Variants in PAK5 observed in about 807,000 individuals in gnomAD.
The protein encoded by PAK5 is p21 (RAC1) activated kinase 5, also known as serine/threonine-protein kinase PAK 5.
In PAK5, 16 loss-of-function variants were observed where a neutral mutation model predicts 65.9. That is an observed-to-expected ratio of 0.24 (90% confidence interval 0.16 to 0.37). PAK5 has a LOEUF of 0.37. Among genes scored for constraint, PAK5 ranks in the 10% least tolerant of loss-of-function variants. The probability of loss-of-function intolerance (pLI) is 1.00; values close to 1 mark genes in which losing one functional copy is unlikely to be tolerated. For missense variants in PAK5, 785 were observed against 903.9 expected (o/e 0.87, Z 1.69); for synonymous variants, 371 against 354.9 (o/e 1.05, Z -0.51).
intron 3 of PAK5, among the ~76,000 whole-genome samples, chr20:9,641,540 G>C (rs1198880525): frequency 6.6e-6 from 1 of 151,150 alleles, no homozygotes; most frequent in African/African-American, 2.4e-5. Flanking sequence ...AGTGGATCCC[G>C]CACCGGGGCT....
At chr20:9,613,588 A>T (rs538921018) in intron 3 of PAK5, among the ~76,000 whole-genome samples, 1 of 152,376 alleles carries the variant, frequency 6.6e-6, no homozygotes, top group East Asian at 1.9e-4. Flanking sequence ...GGGAAAAAGA[A>T]ACCACTTAAA....
chr20:9,790,534 C>T (rs6056876), intron 1 of PAK5, among the ~76,000 whole-genome samples: 1,830 of 152,164 alleles, frequency 0.012, 47 homozygotes, highest in African/African-American at 0.041. Context: ...GAGACAGGGT[C>T]TAACTCTGTT....
At position 9,561,925 on chromosome 20, in the gene PAK5, A is replaced by C. The variant is rs547113471; in HGVS notation, c.1616+966T>G. Among the ~76,000 whole-genome samples the C allele has an allele frequency of 4.1e-3, 618 of 152,324 alleles. 1 individual carries two copies. The highest frequency in any genetic ancestry group is 0.027 in the Middle Eastern group (8 of 294). ...TGCCATTGCCTGAAAGTTTGCCGTAAATGCAGAATCTTACACCCTCTCTAT... is the reference window on the plus strand; with the variant it reads ...TGCCATTGCCTGAAAGTTTGCCGTACATGCAGAATCTTACACCCTCTCTAT... On this transcript the variant is annotated intron_variant, in intron 6 of 9. Coordinates refer to ENST00000353224, the MANE Select transcript of PAK5 (RefSeq NM_177990.4).
At chr20:9,775,717 G>C (rs982192745) in intron 1 of PAK5, among the ~76,000 whole-genome samples, 1 of 152,118 alleles carries the variant, frequency 6.6e-6, no homozygotes, top group African/African-American at 2.4e-5. Context: ...GAACAAGTAT[G>C]TATCTATTTA....
chr20:9,585,888 A>C (rs2046060025), intron 3 of PAK5, among the ~76,000 whole-genome samples: 1 of 152,248 alleles, frequency 6.6e-6, no homozygotes, highest in African/African-American at 2.4e-5. Flanking sequence ...AAATGATCAG[A>C]GAAAAGCAAG....
At chr20:9,597,291 T>C (rs2046287917) in intron 3 of PAK5, among the ~76,000 whole-genome samples, 4 of 152,198 alleles carry the variant, frequency 2.6e-5, no homozygotes, top group African/African-American at 4.8e-5. Context: ...TAGTTACAGC[T>C]CCTACAAAGT....
At chr20:9,555,396 T>C (rs961375125) in intron 7 of PAK5, among the ~76,000 whole-genome samples, 56 of 152,318 alleles carry the variant, frequency 3.7e-4, no homozygotes, top group African/African-American at 1.3e-3. Context: ...GATTAAACAA[T>C]GACTTCTTAG....
At chr20:9,786,745 A>G (rs1013989989) in intron 1 of PAK5, among the ~76,000 whole-genome samples, 6 of 152,190 alleles carry the variant, frequency 3.9e-5, no homozygotes, top group Non-Finnish European at 5.9e-5. Context: ...GAAGACTGTT[A>G]AAATCGAACT....
rs1188057205 is a variant in PAK5 at position 9,838,791 on chromosome 20, T to G, written c.-191A>C. The stretch of plus-strand genomic sequence containing the variant: ...TGGCCGGCTGTCAGCGAAGCGGCGG[T>G]GCCTCAGCCCCTTCTCAGCTGCTAC... On this transcript the variant is annotated 5_prime_UTR_variant, in exon 1 of 10. Coordinates refer to ENST00000353224, the MANE Select transcript of PAK5 (RefSeq NM_177990.4). This position sits in a 1 kb window ranked among gnomAD's most constrained non-coding sequence, Gnocchi z 4.5. The G allele has an allele frequency of 2.0e-5, 3 of 152,026 alleles. No homozygotes were observed. The East Asian group carries it at 5.8e-4, about 30-fold the overall frequency. The allele number at this position is 152,026 out of a possible 1,614,324, so 9.4% of individuals were successfully genotyped here. A position where few individuals can be genotyped will look rare whatever the true frequency, so the allele number is the denominator to read the frequency against.
intron 1 of PAK5, among the ~76,000 whole-genome samples, chr20:9,821,296 G>T (rs938541089): frequency 5.3e-5 from 8 of 152,090 alleles, no homozygotes; most frequent in African/African-American, 1.9e-4. Flanking sequence ...TGGGAGAATT[G>T]CTTGAACACA....
intron 3 of PAK5, among the ~76,000 whole-genome samples, chr20:9,591,927 G>C (rs2046178819): frequency 6.6e-6 from 1 of 152,026 alleles, no homozygotes; most frequent in Non-Finnish European, 1.5e-5. Context: ...TTGTTAATCT[G>C]GAAATAAAAC....
intron 7 of PAK5, 38 bp from the exon 8 acceptor site, chr20:9,544,532 A>T: frequency 6.2e-7 from 1 of 1,600,824 alleles, no homozygotes; most frequent in East Asian, 2.2e-5. Flanking sequence ...AGCAATTTTA[A>T]AACAATGTCT....
intron 1 of PAK5, among the ~76,000 whole-genome samples, chr20:9,716,157 T>A (rs974789306): frequency 1.7e-3 from 31 of 18,586 alleles, no homozygotes; most frequent in Non-Finnish European, 2.8e-3. Flanking sequence ...AAAAAAAAAA[T>A]TAAAAAAAAA....
chr20:9,661,261 T>G (rs999053692), intron 2 of PAK5, among the ~76,000 whole-genome samples: 1 of 152,146 alleles, frequency 6.6e-6, no homozygotes, highest in African/African-American at 2.4e-5. Context: ...GCTCAGAAAC[T>G]AATACCCCAA....
intron 2 of PAK5, among the ~76,000 whole-genome samples, chr20:9,649,232 A>C (rs918647060): frequency 6.6e-6 from 1 of 152,240 alleles, no homozygotes. Flanking sequence ...TAGCTAAATA[A>C]GTTTGGGAAA....
intron 2 of PAK5, among the ~76,000 whole-genome samples, chr20:9,675,914 T>A (rs1390585613): frequency 6.9e-6 from 1 of 145,024 alleles, no homozygotes; most frequent in Non-Finnish European, 1.5e-5. Flanking sequence ...ACTTACAACA[T>A]AGCTATAATT....
intron 3 of PAK5, among the ~76,000 whole-genome samples, chr20:9,591,357 A>G (rs890081292): frequency 6.6e-6 from 1 of 152,148 alleles, no homozygotes; most frequent in Admixed American, 6.5e-5. Flanking sequence ...AGTAGAAAGG[A>G]TAGTCAAAAC....
chr20:9,835,166 C>T (rs1182571434), intron 1 of PAK5, among the ~76,000 whole-genome samples: 1 of 152,190 alleles, frequency 6.6e-6, no homozygotes, highest in African/African-American at 2.4e-5. Flanking sequence ...AGTATTCGTT[C>T]CTTCACTCAT....
chr20:9,694,276 T>C (rs1235320950), intron 2 of PAK5, among the ~76,000 whole-genome samples: 1 of 150,338 alleles, frequency 6.7e-6, no homozygotes, highest in East Asian at 2.0e-4. Flanking sequence ...TTTTAAGTAG[T>C]GAGATACAGT....
Sources: allele counts gnomAD v4.1 joint callset (sites outside exome capture counted in the v4.1 genomes callset), GRCh38; gene constraint gnomAD v4.1.1; non-coding constraint Gnocchi (gnomAD v3.1); transcripts MANE v1.5; gene names NCBI Gene and HGNC (gene_info 2026-07-23, HGNC 2026-07-21).